VMP1: variants seen among roughly 807,000 people sequenced by gnomAD.
VMP1 encodes the protein vacuole membrane protein 1.
A neutral mutation model predicts 56.0 loss-of-function variants in VMP1; 11 were observed. That is an observed-to-expected ratio of 0.20 (90% CI 0.12 to 0.32). The LOEUF is 0.32. VMP1 is among the 10% of genes least tolerant of loss of function. VMP1 has a pLI of 1.00. For synonymous variants in VMP1, 149 were observed against 165.0 expected (o/e 0.90, Z 0.74); for missense variants, 296 against 490.3 (o/e 0.60, Z 3.74).
chr17:59,829,554 G>A (rs1310473726), intron 10 of VMP1, among the ~76,000 whole-genome samples: 2 of 152,160 alleles, frequency 1.3e-5, no homozygotes, highest in African/African-American at 2.4e-5. Flanking sequence ...GACAGGAAAT[G>A]ACAACTCATT....
intron 2 of VMP1, 90 bp downstream of exon 2, chr17:59,731,612 A>AT: frequency 1.1e-6 from 1 of 915,974 alleles, no homozygotes; most frequent in East Asian, 3.5e-5. Context: ...TACTTCTTTT[A>AT]TTTTTAATCT....
chr17:59,804,287 ATAAC>A lies in VMP1; in HGVS notation c.715-4505_715-4502del, dbSNP rs553707345. On this transcript the variant is annotated intron_variant, in intron 7 of 11. Transcript: ENST00000262291. ...TATTACATAAAGCTGTTAAAACTAT[ATAAC>A]TAAGTTTTATACATGTGGCTTTGAA... is the stretch of plus-strand genomic sequence containing the variant. Among the ~76,000 whole-genome samples the A allele has an allele frequency of 2.3e-3, 352 of 152,276 alleles. 6 individuals carry two copies. Among genetic ancestry groups the A allele is most frequent in the Non-Finnish European group, 3.1e-4 (21 of 68,022 alleles).
At chr17:59,823,410 C>T (rs2038519685) in intron 10 of VMP1, among the ~76,000 whole-genome samples, 1 of 150,160 alleles carries the variant, frequency 6.7e-6, no homozygotes. Flanking sequence ...GAGATCACAC[C>T]ACTGCACTCC....
At chr17:59,727,683 T>G (rs1292043164) in intron 1 of VMP1, among the ~76,000 whole-genome samples, 1 of 152,198 alleles carries the variant, frequency 6.6e-6, no homozygotes. Context: ...ACAATAACAA[T>G]GAGGCATGTG....
intron 5 of VMP1, among the ~76,000 whole-genome samples, chr17:59,741,455 A>C (rs2035222909): frequency 6.6e-6 from 1 of 152,204 alleles, no homozygotes; most frequent in Non-Finnish European, 1.5e-5. Context: ...TAGATCTTTG[A>C]TGTTTTAAAA....
At chr17:59,733,563 G>A (rs191315665) in intron 2 of VMP1, among the ~76,000 whole-genome samples, 5 of 152,106 alleles carry the variant, frequency 3.3e-5, no homozygotes, top group African/African-American at 4.8e-5. Context: ...CTAGCCGGGC[G>A]TGGTGGCAGA....
chr17:59,722,398 G>T (rs1215210129), intron 1 of VMP1, among the ~76,000 whole-genome samples: 1 of 152,070 alleles, frequency 6.6e-6, no homozygotes, highest in Non-Finnish European at 1.5e-5. Context: ...TTGTTTTGTT[G>T]AACTTCTCTT....
At chr17:59,821,539 C>CTTTTTTTTTTTTT (rs530907168) in intron 10 of VMP1, among the ~76,000 whole-genome samples, 1 of 104,722 alleles carries the variant, frequency 9.5e-6, no homozygotes, top group African/African-American at 3.8e-5. Context: ...AGCTACTTTT[C>CTTTTTTTTTTTTT]TTTTTTTTTT....
intron 7 of VMP1, among the ~76,000 whole-genome samples, chr17:59,776,526 C>CTCT (rs2036623107): frequency 6.6e-6 from 1 of 152,102 alleles, no homozygotes; most frequent in African/African-American, 2.4e-5. Context: ...CTTGTGTTAA[C>CTCT]TCTGAGGGAG....
intron 10 of VMP1, among the ~76,000 whole-genome samples, chr17:59,822,284 G>A (rs929308465): frequency 1.6e-4 from 24 of 150,498 alleles, no homozygotes; most frequent in African/African-American, 5.6e-4. Context: ...CTCCAATTGA[G>A]CATGACATGA....
chr17:59,811,599 A>G, intron 8 of VMP1, 71 bp from the exon 9 acceptor site: 1 of 1,145,976 alleles, frequency 8.7e-7, no homozygotes, highest in East Asian at 2.3e-5. Flanking sequence ...AGAATACCAC[A>G]TATCAATGGG....
intron 1 of VMP1, among the ~76,000 whole-genome samples, chr17:59,714,516 T>TA: frequency 6.6e-6 from 1 of 152,274 alleles, no homozygotes; most frequent in Admixed American, 6.5e-5. Context: ...AAAGGTCAGA[T>TA]ACACAAAACT....
intron 1 of VMP1, among the ~76,000 whole-genome samples, chr17:59,719,409 T>C (rs998108424): frequency 6.6e-6 from 1 of 152,160 alleles, no homozygotes; most frequent in Non-Finnish European, 1.5e-5. Flanking sequence ...TTGTGTGCCT[T>C]GTATGAAGAA....
At chr17:59,810,015 CT>C (rs1384431417) in intron 8 of VMP1, among the ~76,000 whole-genome samples, 1 of 152,120 alleles carries the variant, frequency 6.6e-6, no homozygotes, top group East Asian at 1.9e-4. Context: ...TGACTTCATT[CT>C]TTCCTCAAAT....
intron 5 of VMP1, among the ~76,000 whole-genome samples, chr17:59,761,946 G>C (rs2036069467): frequency 6.6e-6 from 1 of 152,162 alleles, no homozygotes; most frequent in South Asian, 2.1e-4. Flanking sequence ...AACATGCTTT[G>C]TTTGGGCTCT....
intron 1 of VMP1, among the ~76,000 whole-genome samples, chr17:59,728,574 C>T (rs1010215706): frequency 6.6e-6 from 1 of 152,144 alleles, no homozygotes; most frequent in East Asian, 1.9e-4. Flanking sequence ...GGTAGTGGCT[C>T]ATGCCTGGAA....
intron 10 of VMP1, among the ~76,000 whole-genome samples, chr17:59,824,387 C>G (rs1475865937): frequency 6.6e-6 from 1 of 151,182 alleles, no homozygotes; most frequent in Non-Finnish European, 1.5e-5. Flanking sequence ...GCCTGGGCGA[C>G]CTGATGAAAC....
chr17:59,726,169 T>C (rs1045093942), intron 1 of VMP1, among the ~76,000 whole-genome samples: 1 of 152,162 alleles, frequency 6.6e-6, no homozygotes, highest in African/African-American at 2.4e-5. Flanking sequence ...TCCTTAAATA[T>C]CTTATTTGTA....
At chr17:59,789,574 T>A (rs1292269958) in intron 7 of VMP1, among the ~76,000 whole-genome samples, 1 of 151,976 alleles carries the variant, frequency 6.6e-6, no homozygotes, top group African/African-American at 2.4e-5. Context: ...ACAGACTACT[T>A]ACGCTTCGTT....
Sources: gnomAD v4.1 joint callset for allele counts (sites outside exome capture counted in the v4.1 genomes callset) on GRCh38, gnomAD v4.1.1 for gene constraint, MANE v1.5 for transcripts, NCBI Gene and HGNC (gene_info 2026-07-23, HGNC 2026-07-21) for gene names.